The following GPNMB variants were observed in gnomAD, a reference collection of about 807,000 sequenced individuals.
GPNMB encodes the protein transmembrane glycoprotein NMB.
A neutral mutation model predicts 57.3 loss-of-function variants in GPNMB; 71 were observed. That is an observed-to-expected ratio of 1.24 (90% confidence interval 1.02 to 1.51). The LOEUF (loss-of-function observed/expected upper bound fraction) is 1.51. Among genes scored for constraint, GPNMB ranks in the 40% most tolerant of loss-of-function variants. The probability of loss-of-function intolerance (pLI) is 0.00; values close to 1 mark genes in which losing one functional copy is unlikely to be tolerated. For missense variants in GPNMB, 677 were observed against 691.9 expected (o/e 0.98, Z 0.24); for synonymous variants, 253 against 263.2 (o/e 0.96, Z 0.38).
chr7:23,264,096 G>GAAAAA (rs35143635), intron 6 of GPNMB, among the ~76,000 whole-genome samples: 2,016 of 109,488 alleles, frequency 0.018, 44 homozygotes, highest in African/African-American at 0.053. Context: ...GAACAAATCT[G>GAAAAA]AAAAAAAAAA....
At chr7:23,247,360 A>C (rs769169573) in intron 1 of GPNMB, 13 of 201,492 alleles carry the variant, frequency 6.5e-5, no homozygotes, top group Non-Finnish European at 1.2e-4. Context: ...CCCAGCCCTG[A>C]AGCTATTGCT....
At chr7:23,267,090 A>G (rs1783083006) in intron 7 of GPNMB, among the ~76,000 whole-genome samples, 1 of 152,234 alleles carries the variant, frequency 6.6e-6, no homozygotes, top group Admixed American at 6.5e-5. Flanking sequence ...CTGAAGCCCA[A>G]CCTGTGCTCA....
chr7:23,260,843 A>G (rs1348561779), intron 6 of GPNMB, 70 bp downstream of exon 6: 1 of 1,188,906 alleles, frequency 8.4e-7, no homozygotes, highest in African/African-American at 1.5e-5. Context: ...AGGTCATATT[A>G]TTAAATCCCT....
At position 23,260,742 on chromosome 7, in the gene GPNMB, AC is replaced by A. The variant is rs1479185402; in HGVS notation, c.990del (p.Arg331AspfsTer9). On this transcript the variant is annotated frameshift_variant, in exon 6 of 11. Transcript: ENST00000258733. LOFTEE classifies it high-confidence loss of function. ...GACCTTGTCCGCCACCGCCACCACC[AC>A]CCAGACCTTCAAAACCCACCCCTTC... Reference protein sequence around the residue: ...PGPCPPPPPPPRPSKPTPSLG... With the variant: ...PGPCPPPPPPXRPSKPTPSLG... 1 of 1,573,486 alleles carries A rather than the reference AC, an allele frequency of 6.4e-7. No individual in the cohort carries two copies. The highest frequency in any genetic ancestry group is 1.8e-5 in the Admixed American group (1 of 54,158).
At chr7:23,269,709 C>A (rs966767138) in intron 8 of GPNMB, among the ~76,000 whole-genome samples, 1 of 152,158 alleles carries the variant, frequency 6.6e-6, no homozygotes, top group Non-Finnish European at 1.5e-5. Flanking sequence ...GCCCCTTCCC[C>A]TGGGGGAGAT....
At position 23,267,881 on chromosome 7, in the gene GPNMB, G is replaced by C. The variant is rs1309499929; in HGVS notation, c.1118-5G>C. ...TGTGTTTTTCTCTGGGGGTTATTTT[G>C]TTAGAGGGAATCTTAGAGGTTAACA... On this transcript the variant is annotated splice_region_variant and splice_polypyrimidine_tract_variant and intron_variant, in intron 7 of 10. Coordinates refer to ENST00000258733, the MANE Select transcript of GPNMB (RefSeq NM_002510.3). 2.5e-6 allele frequency: 4 copies of C among 1,586,312 alleles called. No homozygotes were observed. Among genetic ancestry groups the C allele is most frequent in the Admixed American group, 1.7e-5 (1 of 59,836 alleles).
At chr7:23,247,354 G>C (rs1562629519) in intron 1 of GPNMB, 1 of 208,314 alleles carries the variant, frequency 4.8e-6, no homozygotes, top group East Asian at 1.2e-4. Context: ...AATCTCCCCA[G>C]CCCTGAAGCT....
At chr7:23,272,385 C>T (rs1783228309) in intron 9 of GPNMB, among the ~76,000 whole-genome samples, 1 of 152,118 alleles carries the variant, frequency 6.6e-6, no homozygotes, top group Non-Finnish European at 1.5e-5. Flanking sequence ...GTCCCAGCTA[C>T]TCAGGAGGCT....
chr7:23,260,353 T>C lies in GPNMB; in HGVS notation c.701-103T>C, dbSNP rs543195286. 1.4e-5 allele frequency: 15 copies of C among 1,092,868 alleles called. No individual in the cohort carries two copies. In the South Asian group the frequency reaches 2.3e-4, roughly 17 times the overall value. The allele number at this position is 1,092,868 out of a possible 1,614,324, so 67.7% of individuals were successfully genotyped here. ...TGTGAAAAGGAAAATAATGCTAAATTATCCCTCATTTTAATATTTCAACCT... is the reference window on the plus strand; with the variant it reads ...TGTGAAAAGGAAAATAATGCTAAATCATCCCTCATTTTAATATTTCAACCT... On this transcript the variant is annotated intron_variant, in intron 5 of 10. Coordinates refer to ENST00000258733, the MANE Select transcript of GPNMB (RefSeq NM_002510.3).
rs202073355 is a variant in GPNMB at position 23,274,079 on chromosome 7, A to C, written c.1538A>C (p.Tyr513Ser). Residue 513 changes from tyrosine (Y) to serine (S), a missense_variant, in exon 11 of 11, where the codon TAC becomes TCC. Transcript: ENST00000258733. ...SLLVYKKHKE[Y>S]NPIENSPGNV... ...ATTGTTTTCAGAAAACACAAGGAATACAACCCAATAGAAAATAGTCCTGGG... is the reference window on the plus strand; with the variant it reads ...ATTGTTTTCAGAAAACACAAGGAATCCAACCCAATAGAAAATAGTCCTGGG... The C allele has an allele frequency of 3.1e-5, 50 of 1,611,230 alleles. No homozygotes were observed. In the Middle Eastern group the frequency reaches 4.9e-4, roughly 16 times the overall value.
intron 6 of GPNMB, among the ~76,000 whole-genome samples, chr7:23,263,808 T>A (rs2128483735): frequency 6.6e-6 from 1 of 152,172 alleles, no homozygotes; most frequent in African/African-American, 2.4e-5. Flanking sequence ...AGGGAGCATT[T>A]CCAGCTGTAC....
intron 4 of GPNMB, among the ~76,000 whole-genome samples, chr7:23,258,876 G>C (rs770280084): frequency 6.6e-6 from 1 of 152,224 alleles, no homozygotes; most frequent in Non-Finnish European, 1.5e-5. Context: ...GATACACGGG[G>C]TCTTGAAACA....
At chr7:23,248,677 C>T (rs969018960) in intron 1 of GPNMB, among the ~76,000 whole-genome samples, 1 of 152,114 alleles carries the variant, frequency 6.6e-6, no homozygotes, top group Non-Finnish European at 1.5e-5. Flanking sequence ...GAGTCGGCTG[C>T]AGCACTGGGT....
At position 23,260,536 on chromosome 7, in the gene GPNMB, A is replaced by G; in HGVS notation, c.781A>G (p.Ile261Val). The change falls in exon 6 of 11, where the codon ATT becomes GTT. Residue 261 changes from isoleucine to valine, a missense_variant. Transcript: ENST00000258733. ...SDETFLKDLP[I>V]MFDVLIHDPS... ...CGAAACCTTCCTCAAAGATCTCCCC[A>G]TTATGTTTGATGTCCTGATTCATGA... is the stretch of plus-strand genomic sequence containing the variant. 2 of 1,613,374 alleles carry G rather than the reference A, an allele frequency of 1.2e-6. No individual in the cohort carries two copies. Among genetic ancestry groups the G allele is most frequent in the African/African-American group, 1.3e-5 (1 of 74,988 alleles).
intron 1 of GPNMB, among the ~76,000 whole-genome samples, chr7:23,250,072 A>G (rs996528348): frequency 5.9e-5 from 9 of 152,238 alleles, no homozygotes; most frequent in African/African-American, 2.2e-4. Flanking sequence ...GATGAATGAA[A>G]TGGTGAAATA....
intron 4 of GPNMB, 185 bp downstream of exon 4, chr7:23,257,250 C>T: frequency 1.6e-6 from 1 of 637,682 alleles, no homozygotes; most frequent in Non-Finnish European, 2.8e-6. Context: ...TGCCAAATCT[C>T]CAGGACACCG....
rs1562641609 is a variant in GPNMB, at chr7:23,266,552, A to T, written c.1054A>T (p.Ile352Phe). The change falls in exon 7 of 11, where the codon ATT (isoleucine) becomes TTT (phenylalanine). Residue 352 changes from isoleucine to phenylalanine, a missense_variant. Transcript: ENST00000258733. ...AGDNPLELSR[I>F]PDENCQINRY... ...TGACAACCCCCTGGAGCTGAGTAGG[A>T]TTCCTGATGAAAACTGCCAGATTAA... 4.3e-6 allele frequency: 7 copies of T among 1,613,878 alleles called. No homozygotes were observed. The highest frequency in any genetic ancestry group is 5.9e-6 in the Non-Finnish European group (7 of 1,179,728).
Position 23,256,928 on chromosome 7 carries a change from G to A in GPNMB, c.404G>A (p.Trp135Ter). 1 of 1,614,144 alleles carries A rather than the reference G, an allele frequency of 6.2e-7. No homozygotes were observed. Among genetic ancestry groups the A allele is most frequent in the Non-Finnish European group, 8.5e-7 (1 of 1,179,980 alleles). ...TCTGCTGATCCGTATGTTTACAACT[G>A]GACAGCATGGTCAGAGGACAGTGAC... ...GLSADPYVYNWTAWSEDSDGE... is the reference protein window; with the variant it reads ...GLSADPYVYN Residue 135 changes from tryptophan to a stop codon, truncating the protein, a stop_gained, in exon 4 of 11, where the codon TGG becomes TAG. Transcript: ENST00000258733. LOFTEE classifies it high-confidence loss of function.
intron 4 of GPNMB, chr7:23,257,313 A>G (rs1562635634): frequency 3.4e-6 from 2 of 589,956 alleles, no homozygotes; most frequent in Non-Finnish European, 6.0e-6. Context: ...TCAAAAAAAC[A>G]AAACCACTTA....
Sources: allele counts gnomAD v4.1 joint callset (sites outside exome capture counted in the v4.1 genomes callset), GRCh38; gene constraint gnomAD v4.1.1; transcripts MANE v1.5; gene names NCBI Gene and HGNC (gene_info 2026-07-23, HGNC 2026-07-21).